Variants in SAMD5 observed in about 807,000 individuals in gnomAD.
The protein encoded by SAMD5 is sterile alpha motif domain-containing protein 5.
A neutral mutation model predicts 11.3 loss-of-function variants in SAMD5; 13 were observed. The observed-to-expected ratio is 1.15, with a 90% CI of 0.75 to 1.83. SAMD5 has a LOEUF of 1.83. Among genes scored for constraint, SAMD5 ranks in the 40% most tolerant of loss-of-function variants. SAMD5 has a pLI of 0.00. For missense variants in SAMD5, 255 were observed against 239.1 expected (o/e 1.07, Z -0.44); for synonymous variants, 129 against 111.3 (o/e 1.16, Z -1.00).
At chr6:147,933,966 A>G in the SAMD5 span, among the ~76,000 whole-genome samples, 549 of 152,340 alleles carry the variant, frequency 3.6e-3, 3 homozygotes, top group African/African-American at 0.012. Flanking sequence ...ACTGCTCTTT[A>G]AAGGTCATTG....
the SAMD5 span, among the ~76,000 whole-genome samples, chr6:147,929,916 C>T: frequency 6.6e-6 from 1 of 152,154 alleles, no homozygotes; most frequent in Non-Finnish European, 1.5e-5. Context: ...CCAGTTTTCA[C>T]CTACATAAAT....
the SAMD5 span, among the ~76,000 whole-genome samples, chr6:147,902,482 C>G: frequency 1.3e-5 from 2 of 152,082 alleles, no homozygotes; most frequent in Admixed American, 1.3e-4. Flanking sequence ...AGTATTTCTC[C>G]AACTAATTTT....
intron 1 of SAMD5, among the ~76,000 whole-genome samples, chr6:147,559,613 T>C (rs1788915051): frequency 6.6e-6 from 1 of 152,140 alleles, no homozygotes; most frequent in Non-Finnish European, 1.5e-5. Context: ...ATTATTTCAC[T>C]TACTAAGGAC....
intron 1 of SAMD5, among the ~76,000 whole-genome samples, chr6:147,716,003 A>G (rs1453013438): frequency 6.6e-6 from 1 of 152,156 alleles, no homozygotes; most frequent in Non-Finnish European, 1.5e-5. Context: ...ACTCTGGTCC[A>G]TGGGACTGGC....
At chr6:147,695,915 C>T (rs1327490019) in intron 1 of SAMD5, among the ~76,000 whole-genome samples, 1 of 152,206 alleles carries the variant, frequency 6.6e-6, no homozygotes, top group Non-Finnish European at 1.5e-5. Flanking sequence ...CCCCTTAATT[C>T]ACCTCTTCTT....
At chr6:147,822,949 G>T in the SAMD5 span, among the ~76,000 whole-genome samples, 1 of 151,884 alleles carries the variant, frequency 6.6e-6, no homozygotes, top group African/African-American at 2.4e-5. Flanking sequence ...CCAGAAGCTG[G>T]GATTACAGGT....
chr6:147,511,586 G>GCTTC (rs1788091015), intron 1 of SAMD5, among the ~76,000 whole-genome samples: 1 of 150,648 alleles, frequency 6.6e-6, no homozygotes, highest in Non-Finnish European at 1.5e-5. Flanking sequence ...AGAAACAGAA[G>GCTTC]TGTTTTCATT....
At chr6:147,772,605 T>C in the SAMD5 span, among the ~76,000 whole-genome samples, 1 of 152,122 alleles carries the variant, frequency 6.6e-6, no homozygotes, top group Non-Finnish European at 1.5e-5. Context: ...GGGAAAGATC[T>C]GTTCCAGGCC....
chr6:147,553,528 C>T (rs757123651), intron 1 of SAMD5, among the ~76,000 whole-genome samples: 8 of 152,182 alleles, frequency 5.3e-5, no homozygotes, highest in African/African-American at 7.2e-5. Flanking sequence ...TCTGGACCCA[C>T]GCTGGACACG....
At chr6:147,878,612 G>C in the SAMD5 span, among the ~76,000 whole-genome samples, 3 of 142,070 alleles carry the variant, frequency 2.1e-5, no homozygotes, top group African/African-American at 5.3e-5. Context: ...TATCTATATA[G>C]ATATATATGT....
At chr6:147,777,146 T>A in the SAMD5 span, among the ~76,000 whole-genome samples, 23 of 152,126 alleles carry the variant, frequency 1.5e-4, no homozygotes, top group African/African-American at 5.5e-4. Flanking sequence ...TGCTAAGTAT[T>A]TGACTTTTTT....
At chr6:147,688,865 G>T (rs754543567) in intron 1 of SAMD5, among the ~76,000 whole-genome samples, 6 of 152,158 alleles carry the variant, frequency 3.9e-5, no homozygotes, top group Admixed American at 1.3e-4. Flanking sequence ...ATCACCAAAG[G>T]TCAAAATCCT....
chr6:147,608,603 C>G (rs1304572330), intron 1 of SAMD5, among the ~76,000 whole-genome samples: 1 of 151,860 alleles, frequency 6.6e-6, no homozygotes, highest in Admixed American at 6.6e-5. Flanking sequence ...CAGTTGAACT[C>G]ATGGTTATAG....
chr6:147,943,100 T>C, the SAMD5 span, among the ~76,000 whole-genome samples: 117,420 of 152,024 alleles, frequency 0.77, 45,885 homozygotes, highest in Non-Finnish European at 0.84. Context: ...GGATTACAGG[T>C]GTGAGCCACC....
At chr6:147,753,122 A>G in the SAMD5 span, among the ~76,000 whole-genome samples, 1 of 152,236 alleles carries the variant, frequency 6.6e-6, no homozygotes, top group African/African-American at 2.4e-5. Flanking sequence ...TTGCTTAAAT[A>G]TTAACACTGT....
At chr6:147,679,403 T>C (rs1033680578) in intron 1 of SAMD5, among the ~76,000 whole-genome samples, 3 of 152,154 alleles carry the variant, frequency 2.0e-5, no homozygotes, top group African/African-American at 7.2e-5. Context: ...TGATGAATGA[T>C]GTCAGGCATC....
the SAMD5 span, among the ~76,000 whole-genome samples, chr6:147,899,297 C>G: frequency 6.6e-6 from 1 of 151,854 alleles, no homozygotes; most frequent in Non-Finnish European, 1.5e-5. Flanking sequence ...TATCACTACA[C>G]CTAACCTAAA....
At chr6:147,939,810 A>AT in the SAMD5 span, among the ~76,000 whole-genome samples, 2,091 of 147,104 alleles carry the variant, frequency 0.014, 21 homozygotes, top group Non-Finnish European at 0.019. Flanking sequence ...ATACCCCAGC[A>AT]TTTTTTTTTT....
chr6:147,840,392 C>T, the SAMD5 span, among the ~76,000 whole-genome samples: 1 of 152,190 alleles, frequency 6.6e-6, no homozygotes, highest in African/African-American at 2.4e-5. Flanking sequence ...TCTTCAAGAT[C>T]TATTCTGGGC....
Sources: allele counts gnomAD v4.1 joint callset (sites outside exome capture counted in the v4.1 genomes callset), GRCh38; gene constraint gnomAD v4.1.1; transcripts MANE v1.5; gene names NCBI Gene and HGNC (gene_info 2026-07-23, HGNC 2026-07-21).